Variants in RBMS1 observed in about 807,000 individuals in gnomAD.
RBMS1 encodes RNA binding motif single stranded interacting protein 1.
Under a neutral mutation model 62.3 loss-of-function variants are expected in RBMS1, and 17 were observed. The observed-to-expected ratio is 0.27, with a 90% CI of 0.19 to 0.41. The LOEUF (loss-of-function observed/expected upper bound fraction) is 0.41, where lower values mean the gene tolerates loss of function less well. Ranked by LOEUF, RBMS1 falls within the 10% of genes least tolerant of loss-of-function variation. The probability of loss-of-function intolerance (pLI) is 1.00; values close to 1 mark genes in which losing one functional copy is unlikely to be tolerated. For missense variants in RBMS1, 334 were observed against 504.5 expected, an observed-to-expected ratio of 0.66 and a Z score of 3.24; for synonymous variants, 172 against 170.0, an observed-to-expected ratio of 1.01 and a Z score of -0.09.
intron 1 of RBMS1, among the ~76,000 whole-genome samples, chr2:160,428,718 G>C (rs1433471392): frequency 6.6e-6 from 1 of 152,118 alleles, no homozygotes; most frequent in Non-Finnish European, 1.5e-5. Flanking sequence ...TAAAGAACCA[G>C]AATAAATCTG....
intron 1 of RBMS1, among the ~76,000 whole-genome samples, chr2:160,469,969 T>C (rs959517640): frequency 6.6e-6 from 1 of 152,246 alleles, no homozygotes; most frequent in Admixed American, 6.5e-5. Flanking sequence ...TGAAGCCTTA[T>C]GCTGGTAACT....
chr2:160,322,032 G>T (rs1690590096), intron 2 of RBMS1, among the ~76,000 whole-genome samples: 1 of 152,126 alleles, frequency 6.6e-6, no homozygotes, highest in Admixed American at 6.5e-5. Context: ...TATTTAGTTG[G>T]CTATTTTCTA....
At chr2:160,276,375 C>T (rs1687835804) in intron 12 of RBMS1, among the ~76,000 whole-genome samples, 1 of 151,392 alleles carries the variant, frequency 6.6e-6, no homozygotes, top group Non-Finnish European at 1.5e-5. Context: ...CCACCAACAC[C>T]TACTACTACT....
chr2:160,389,991 T>A (rs1473932224), intron 1 of RBMS1, among the ~76,000 whole-genome samples: 1 of 152,206 alleles, frequency 6.6e-6, no homozygotes, highest in Non-Finnish European at 1.5e-5. Flanking sequence ...TACTTCATAT[T>A]CTTACAGAAT....
intron 2 of RBMS1, among the ~76,000 whole-genome samples, chr2:160,358,763 C>G (rs1339549470): frequency 6.6e-6 from 1 of 151,886 alleles, no homozygotes; most frequent in Non-Finnish European, 1.5e-5. Flanking sequence ...CATTTTTTAC[C>G]AGTCAATAAA....
At chr2:160,436,275 C>T (rs941813487) in intron 1 of RBMS1, among the ~76,000 whole-genome samples, 16 of 152,222 alleles carry the variant, frequency 1.1e-4, no homozygotes, top group Non-Finnish European at 1.8e-4. Context: ...CTCTTGGAAG[C>T]TGACCACCAT....
At chr2:160,450,233 T>C (rs1454954760) in intron 1 of RBMS1, among the ~76,000 whole-genome samples, 1 of 152,178 alleles carries the variant, frequency 6.6e-6, no homozygotes, top group African/African-American at 2.4e-5. Context: ...CACAGTGCTG[T>C]ACGCAGGTAC....
chr2:160,436,562 A>G (rs1574055726), intron 1 of RBMS1, among the ~76,000 whole-genome samples: 1 of 152,214 alleles, frequency 6.6e-6, no homozygotes. Flanking sequence ...TTTTGGGTTG[A>G]TATGTTTTAT....
intron 1 of RBMS1, 130 bp from the exon 2 acceptor site, chr2:160,367,521 T>C (rs904724604): frequency 4.0e-5 from 57 of 1,440,944 alleles, no homozygotes; most frequent in Non-Finnish European, 5.0e-5. Context: ...ATTTACACTT[T>C]AAAAAAGGTC....
At chr2:160,377,921 C>A (rs1694084216) in intron 1 of RBMS1, among the ~76,000 whole-genome samples, 1 of 152,168 alleles carries the variant, frequency 6.6e-6, no homozygotes, top group Non-Finnish European at 1.5e-5. Flanking sequence ...AGCACCAGTC[C>A]TTGTTTGTTA....
intron 13 of RBMS1, chr2:160,275,315 TG>T (rs1687774681): frequency 5.7e-6 from 1 of 176,880 alleles, no homozygotes; most frequent in Admixed American, 5.9e-5. Flanking sequence ...TAAAGTAATA[TG>T]ATATAGGATA....
intron 1 of RBMS1, among the ~76,000 whole-genome samples, chr2:160,453,490 T>C (rs924192545): frequency 1.1e-4 from 16 of 152,160 alleles, no homozygotes; most frequent in African/African-American, 3.9e-4. Flanking sequence ...ATTACTTTCA[T>C]AATTTAAAAA....
chr2:160,370,534 G>T (rs1420480685), intron 1 of RBMS1, among the ~76,000 whole-genome samples: 1 of 152,200 alleles, frequency 6.6e-6, no homozygotes, highest in East Asian at 1.9e-4. Flanking sequence ...CAGACAGGCA[G>T]GTAGGTTATT....
At chr2:160,446,595 G>A (rs917574565) in intron 1 of RBMS1, among the ~76,000 whole-genome samples, 6 of 152,086 alleles carry the variant, frequency 3.9e-5, no homozygotes, top group Non-Finnish European at 8.8e-5. Flanking sequence ...TCAATGGAAG[G>A]GTCTAAGATA....
At chr2:160,287,874 A>G (rs745539541) in intron 6 of RBMS1, among the ~76,000 whole-genome samples, 9 of 151,482 alleles carry the variant, frequency 5.9e-5, no homozygotes, top group African/African-American at 1.5e-4. Context: ...GCTTTACTAT[A>G]TATCTATATA....
chr2:160,400,345 G>GA (rs1473984843), intron 1 of RBMS1, among the ~76,000 whole-genome samples: 4 of 140,204 alleles, frequency 2.9e-5, no homozygotes, highest in Admixed American at 7.2e-5. Flanking sequence ...GAAACAAAAT[G>GA]AAAAATACAA....
chr2:160,435,382 C>T (rs1006127469), intron 1 of RBMS1, among the ~76,000 whole-genome samples: 3 of 152,184 alleles, frequency 2.0e-5, no homozygotes, highest in African/African-American at 7.2e-5. Flanking sequence ...TTATTATCCT[C>T]ATTTTATAGA....
At chr2:160,345,629 G>T (rs1329443774) in intron 2 of RBMS1, among the ~76,000 whole-genome samples, 1 of 152,124 alleles carries the variant, frequency 6.6e-6, no homozygotes, top group East Asian at 1.9e-4. Flanking sequence ...CATATGCTTT[G>T]TCTTTTACTT....
intron 4 of RBMS1, among the ~76,000 whole-genome samples, chr2:160,308,096 C>A (rs533687586): frequency 1.5e-3 from 224 of 152,276 alleles, no homozygotes; most frequent in Non-Finnish European, 2.6e-3. Context: ...AGCACAGGGG[C>A]TGGACTTAAA....
Sources: gnomAD v4.1 joint callset for allele counts (sites outside exome capture counted in the v4.1 genomes callset) on GRCh38, gnomAD v4.1.1 for gene constraint, MANE v1.5 for transcripts, NCBI Gene and HGNC (gene_info 2026-07-23, HGNC 2026-07-21) for gene names.